Variants in PCMT1 observed in about 807,000 individuals in gnomAD.
PCMT1 encodes the protein protein-L-isoaspartate(D-aspartate) O-methyltransferase.
PCMT1 carries 9 observed loss-of-function variants against 29.2 expected under a neutral mutation model. That is an observed-to-expected ratio of 0.31 (90% CI 0.19 to 0.54). The LOEUF is 0.54. PCMT1 is among the 20% of genes least tolerant of loss of function. PCMT1 has a pLI of 0.95. For synonymous variants in PCMT1, 98 were observed against 97.5 expected (o/e 1.00, Z -0.03); for missense variants, 184 against 282.2 (o/e 0.65, Z 2.49).
chr6:149,789,367 C>T (rs567408873), intron 3 of PCMT1, among the ~76,000 whole-genome samples: 11 of 152,114 alleles, frequency 7.2e-5, no homozygotes, highest in Admixed American at 2.6e-4. Context: ...TGAGCCACCA[C>T]GCCCAGCCTG....
rs9689226 is a variant in PCMT1 at position 149,766,419 on chromosome 6, G to T, written c.56-4743G>T. ...CTTAAAAAAAATCAGCTTTATTGAG[G>T]TATAAGTTATATAAAAATTCACCAG... On this transcript the variant is annotated intron_variant, in intron 1 of 7. Transcript: ENST00000464889. Among the ~76,000 whole-genome samples, 850 of 152,282 alleles carry T rather than the reference G, an allele frequency of 5.6e-3. 10 individuals are homozygous for T. The highest frequency in any genetic ancestry group is 0.019 in the African/African-American group (779 of 41,550).
chr6:149,750,280 C>CCGGCTT (rs11283668), intron 1 of PCMT1: 4,023 of 349,396 alleles, frequency 0.012, 169 homozygotes, highest in African/African-American at 0.079. Flanking sequence ...GCGTCCGGGT[C>CCGGCTT]CGGCTTGTGA....
intron 3 of PCMT1, among the ~76,000 whole-genome samples, chr6:149,773,421 C>G (rs186480410): frequency 6.6e-6 from 1 of 151,990 alleles, no homozygotes; most frequent in Admixed American, 6.6e-5. Context: ...CTCTGTCGCC[C>G]AGGCTAGAGT....
At chr6:149,802,764 G>A (rs909128973) in intron 7 of PCMT1, among the ~76,000 whole-genome samples, 1 of 151,922 alleles carries the variant, frequency 6.6e-6, no homozygotes, top group Non-Finnish European at 1.5e-5. Context: ...AGTTTGGTCT[G>A]TAAAAGAGGC....
At position 149,783,940 on chromosome 6, in the gene PCMT1, C is replaced by A. The variant is rs140490011; in HGVS notation, c.193-6014C>A. On this transcript the variant is annotated intron_variant, in intron 3 of 7. Transcript: ENST00000464889. Reference sequence around the variant, plus strand: ...AAACTCCTGGTCTCAAGTTATCCTTCCACTTTGGCCTTTCAGAGCACTCGG... The same window carrying A: ...AAACTCCTGGTCTCAAGTTATCCTTACACTTTGGCCTTTCAGAGCACTCGG... Among the ~76,000 whole-genome samples, 56 of 152,308 alleles carry A rather than the reference C, an allele frequency of 3.7e-4. No homozygotes were observed. The East Asian group carries it at 0.01, about 28-fold the overall frequency.
chr6:149,773,128 T>G lies in PCMT1; in HGVS notation c.161-10T>G. 1 of 1,608,102 alleles carries G rather than the reference T, an allele frequency of 6.2e-7. No individual in the cohort carries two copies. The highest frequency in any genetic ancestry group is 8.5e-7 in the Non-Finnish European group (1 of 1,175,242). On this transcript the variant is annotated splice_polypyrimidine_tract_variant and intron_variant, in intron 2 of 7. Coordinates refer to ENST00000464889, the MANE Select transcript of PCMT1 (RefSeq NM_001360452.2). ...CTGACTGTATCAGTAGTTCTCTTCT[T>G]CTTTTGCAGGTTTCCAAGCAACAAT... is the stretch of plus-strand genomic sequence containing the variant.
At chr6:149,754,133 A>G (rs1354356416) in intron 1 of PCMT1, among the ~76,000 whole-genome samples, 2 of 152,236 alleles carry the variant, frequency 1.3e-5, no homozygotes, top group African/African-American at 2.4e-5. Flanking sequence ...GATGTTCTCT[A>G]TATTGTCCAG....
chr6:149,760,135 AT>A (rs1232449417), intron 1 of PCMT1, among the ~76,000 whole-genome samples: 5 of 152,038 alleles, frequency 3.3e-5, no homozygotes, highest in Non-Finnish European at 7.4e-5. Flanking sequence ...GATTTCTGTT[AT>A]GTCACTTTGC....
intron 1 of PCMT1, among the ~76,000 whole-genome samples, chr6:149,755,296 T>C (rs1378663508): frequency 1.3e-5 from 2 of 152,104 alleles, no homozygotes; most frequent in Non-Finnish European, 2.9e-5. Flanking sequence ...TGCATGCCTG[T>C]AGTCTCAGCT....
At chr6:149,795,459 C>G in intron 5 of PCMT1, 1 of 400,224 alleles carries the variant, frequency 2.5e-6, no homozygotes, top group South Asian at 2.3e-5. Flanking sequence ...CAAATAGCAC[C>G]AATAGTGAGT....
intron 4 of PCMT1, 151 bp downstream of exon 4, chr6:149,790,209 G>A (rs910562683): frequency 5.4e-5 from 32 of 592,644 alleles, no homozygotes; most frequent in South Asian, 1.3e-4. Context: ...TTTTGTTGTT[G>A]TTGCAAGTGA....
At chr6:149,758,147 G>A (rs1191249685) in intron 1 of PCMT1, among the ~76,000 whole-genome samples, 2 of 149,752 alleles carry the variant, frequency 1.3e-5, no homozygotes, top group African/African-American at 4.9e-5. Context: ...GCCTCCCAAA[G>A]TGCTAGGATT....
rs2115251508 is a variant in PCMT1, at chr6:149,771,152, C to T, written c.56-10C>T. 2.6e-6 allele frequency: 4 copies of T among 1,542,574 alleles called. No individual in the cohort carries two copies. Among genetic ancestry groups the T allele is most frequent in the Non-Finnish European group, 3.6e-6 (4 of 1,117,764 alleles). ...CTCTCTTCTGAAAATATTTGCCTCA[C>T]TTGTTTCAGAAAATGGAATCATCAA... On this transcript the variant is annotated splice_polypyrimidine_tract_variant and intron_variant, in intron 1 of 7. Transcript: ENST00000464889.
chr6:149,805,550 C>T (rs183991074), intron 7 of PCMT1, among the ~76,000 whole-genome samples: 24 of 150,874 alleles, frequency 1.6e-4, no homozygotes, highest in Non-Finnish European at 2.4e-4. Flanking sequence ...GCTGAGATCG[C>T]GCCATTGCAC....
chr6:149,778,571 T>C (rs907889088), intron 3 of PCMT1, among the ~76,000 whole-genome samples: 2 of 151,934 alleles, frequency 1.3e-5, no homozygotes, highest in African/African-American at 4.8e-5. Flanking sequence ...AGGGTGTTGC[T>C]TTGTTGCCCA....
At chr6:149,778,718 C>T (rs1318304430) in intron 3 of PCMT1, among the ~76,000 whole-genome samples, 2 of 151,728 alleles carry the variant, frequency 1.3e-5, no homozygotes, top group Non-Finnish European at 2.9e-5. Flanking sequence ...AAAACATTTT[C>T]TGTAGAGATG....
At chr6:149,766,447 G>A (rs1787088926) in intron 1 of PCMT1, among the ~76,000 whole-genome samples, 1 of 152,164 alleles carries the variant, frequency 6.6e-6, no homozygotes, top group Non-Finnish European at 1.5e-5. Context: ...TTCACCAGTT[G>A]TAAGAATACA....
At chr6:149,805,146 A>G (rs1174315560) in intron 7 of PCMT1, among the ~76,000 whole-genome samples, 3 of 152,132 alleles carry the variant, frequency 2.0e-5, no homozygotes, top group African/African-American at 4.8e-5. Context: ...GGAGGCTGAG[A>G]TAAGAGGATC....
At chr6:149,754,358 G>A (rs1168321811) in intron 1 of PCMT1, among the ~76,000 whole-genome samples, 2 of 152,148 alleles carry the variant, frequency 1.3e-5, no homozygotes, top group African/African-American at 4.8e-5. Context: ...AGCTTAATTT[G>A]AAACCGTGAG....
Sources: gnomAD v4.1 joint callset for allele counts (sites outside exome capture counted in the v4.1 genomes callset) on GRCh38, gnomAD v4.1.1 for gene constraint, MANE v1.5 for transcripts, NCBI Gene and HGNC (gene_info 2026-07-23, HGNC 2026-07-21) for gene names.